The following GRM3 variants were observed in gnomAD, a reference collection of about 807,000 sequenced individuals.
GRM3 encodes metabotropic glutamate receptor 3.
GRM3 carries 26 observed loss-of-function variants against 70.5 expected under a neutral mutation model. The ratio of observed to expected loss-of-function variants is 0.37; its 90% CI spans 0.27 to 0.51. The LOEUF (loss-of-function observed/expected upper bound fraction) is 0.51, where lower values mean the gene tolerates loss of function less well. Among genes scored for constraint, GRM3 ranks in the 20% least tolerant of loss-of-function variants. GRM3 has a pLI of 0.93. For missense variants in GRM3, 859 were observed against 1,123.8 expected (o/e 0.76, Z 3.37); for synonymous variants, 443 against 434.9 (o/e 1.02, Z -0.23).
At chr7:86,721,267 C>T (rs1177375016) in intron 1 of GRM3, among the ~76,000 whole-genome samples, 1 of 152,022 alleles carries the variant, frequency 6.6e-6, no homozygotes, top group East Asian at 1.9e-4. Flanking sequence ...TTTAGCATCC[C>T]AGCCCTCACG....
intron 3 of GRM3, among the ~76,000 whole-genome samples, chr7:86,798,017 G>T (rs1291381207): frequency 6.6e-6 from 1 of 152,226 alleles, no homozygotes; most frequent in Non-Finnish European, 1.5e-5. Flanking sequence ...CAATAATTGA[G>T]GTTTGGGAAC....
intron 1 of GRM3, among the ~76,000 whole-genome samples, chr7:86,719,297 T>C (rs539057724): frequency 6.6e-6 from 1 of 152,114 alleles, no homozygotes; most frequent in South Asian, 2.1e-4. Context: ...CAGTAGGCTA[T>C]AAACAAAGTT....
intron 2 of GRM3, among the ~76,000 whole-genome samples, chr7:86,769,617 T>C (rs1468999282): frequency 6.6e-6 from 1 of 152,164 alleles, no homozygotes; most frequent in Non-Finnish European, 1.5e-5. Context: ...AGATATGCCA[T>C]GCTGTGTTAG....
chr7:86,828,111 CAAAAAAAAAA>C (rs55645713), intron 3 of GRM3, among the ~76,000 whole-genome samples: 16 of 68,292 alleles, frequency 2.3e-4, no homozygotes, highest in South Asian at 1.4e-3. Flanking sequence ...AACTCCGTAT[CAAAAAAAAAA>C]AAAAAAAAAA....
chr7:86,793,807 A>G (rs747522595), intron 3 of GRM3, among the ~76,000 whole-genome samples: 13 of 152,028 alleles, frequency 8.6e-5, no homozygotes, highest in Non-Finnish European at 1.9e-4. Context: ...TTTTACTATT[A>G]TCATTATAGT....
intron 5 of GRM3, among the ~76,000 whole-genome samples, chr7:86,853,205 T>G (rs746338005): frequency 1.3e-5 from 2 of 152,062 alleles, no homozygotes; most frequent in Non-Finnish European, 2.9e-5. Flanking sequence ...ATCTTAAGAG[T>G]GCATTACATG....
chr7:86,789,036 T>C (rs1797340818), intron 3 of GRM3, among the ~76,000 whole-genome samples: 1 of 152,170 alleles, frequency 6.6e-6, no homozygotes, highest in Admixed American at 6.5e-5. Context: ...ACAAGCCCAT[T>C]ATTTGGATAA....
chr7:86,664,318 G>A (rs1277713832), intron 1 of GRM3, among the ~76,000 whole-genome samples: 3 of 151,776 alleles, frequency 2.0e-5, no homozygotes, highest in Admixed American at 6.6e-5. Flanking sequence ...AATTTTAGTA[G>A]TTAAAAATTG....
intron 5 of GRM3, among the ~76,000 whole-genome samples, chr7:86,853,610 G>A (rs763853783): frequency 5.3e-5 from 8 of 152,098 alleles, no homozygotes; most frequent in Non-Finnish European, 7.4e-5. Context: ...TTCATTGGGC[G>A]ATTGTTAATA....
At position 86,765,625 on chromosome 7, in the gene GRM3, T is replaced by C. The variant is rs370363115; in HGVS notation, c.468+12T>C. The C allele has an allele frequency of 1.9e-6, 3 of 1,603,660 alleles. No individual in the cohort carries two copies. The highest frequency in any genetic ancestry group is 1.7e-5 in the Admixed American group (1 of 59,644). On this transcript the variant is annotated intron_variant, in intron 2 of 5. Coordinates refer to ENST00000361669, the MANE Select transcript of GRM3 (RefSeq NM_000840.3). ...GTGTTTCCATACAGGTAAGATTGGC[T>C]AATGCTATTGCTAAAAGGCTGTATC...
At chr7:86,714,639 C>A (rs995806247) in intron 1 of GRM3, among the ~76,000 whole-genome samples, 16 of 152,034 alleles carry the variant, frequency 1.1e-4, no homozygotes, top group African/African-American at 2.4e-4. Context: ...AGTTTGAAAT[C>A]TTTGCATCCA....
At chr7:86,810,650 C>T (rs1050116120) in intron 3 of GRM3, among the ~76,000 whole-genome samples, 8 of 151,900 alleles carry the variant, frequency 5.3e-5, no homozygotes, top group African/African-American at 9.7e-5. Flanking sequence ...GCATGCAGCC[C>T]AAGTATTGCA....
intron 2 of GRM3, among the ~76,000 whole-genome samples, chr7:86,771,933 A>G (rs887358373): frequency 1.3e-5 from 2 of 152,088 alleles, no homozygotes; most frequent in Non-Finnish European, 2.9e-5. Flanking sequence ...TGTTTCATCC[A>G]CCTAGAATGC....
chr7:86,691,921 C>G (rs1282461059), intron 1 of GRM3, among the ~76,000 whole-genome samples: 1 of 152,104 alleles, frequency 6.6e-6, no homozygotes, highest in Non-Finnish European at 1.5e-5. Flanking sequence ...GACTAAGATG[C>G]TAAGAGACAA....
At position 86,786,504 on chromosome 7, in the gene GRM3, A is replaced by C; in HGVS notation, c.712A>C (p.Asn238His). 6.2e-7 allele frequency: 1 copy of C among 1,614,200 alleles called. No homozygotes were observed. Among genetic ancestry groups the C allele is most frequent in the Non-Finnish European group, 8.5e-7 (1 of 1,180,038 alleles). Residue 238 changes from asparagine (N) to histidine (H), a missense_variant, in exon 3 of 6, where the codon AAC becomes CAC. By Grantham distance (68) the Asn-to-His change is moderately conservative. Coordinates refer to ENST00000361669, the MANE Select transcript of GRM3 (RefSeq NM_000840.3). The surrounding 1 kb of genome is among the most constrained non-coding windows in gnomAD (Gnocchi z 6.0). Reference protein sequence around the residue: ...EAFEQEARLRNICIATAEKVG... With the variant: ...EAFEQEARLRHICIATAEKVG... ...CTTCGAGCAGGAAGCCCGCCTGCGC[A>C]ACATCTGCATCGCTACGGCGGAGAA...
At chr7:86,845,192 G>T (rs143475915) in intron 4 of GRM3, among the ~76,000 whole-genome samples, 1 of 152,088 alleles carries the variant, frequency 6.6e-6, no homozygotes, top group East Asian at 1.9e-4. Flanking sequence ...ACCCAGCCTC[G>T]TCCTGATTTC....
At chr7:86,766,197 A>G (rs183536529) in intron 2 of GRM3, among the ~76,000 whole-genome samples, 3 of 152,296 alleles carry the variant, frequency 2.0e-5, no homozygotes, top group African/African-American at 7.2e-5. Context: ...CTATCAAGGT[A>G]AGATGAAATA....
At chr7:86,647,315 A>G (rs188243352) in intron 1 of GRM3, among the ~76,000 whole-genome samples, 59 of 152,304 alleles carry the variant, frequency 3.9e-4, no homozygotes, top group African/African-American at 1.4e-3. Context: ...AAAATGAAGC[A>G]TGAGGTTTTT....
intron 2 of GRM3, among the ~76,000 whole-genome samples, chr7:86,778,093 C>G (rs368822941): frequency 4.1e-4 from 63 of 152,246 alleles, no homozygotes; most frequent in African/African-American, 1.4e-3. Flanking sequence ...TCTTAGAAAA[C>G]AGCCCCAAAA....
Sources: gnomAD v4.1 joint callset for allele counts (sites outside exome capture counted in the v4.1 genomes callset) on GRCh38, gnomAD v4.1.1 for gene constraint, Gnocchi (gnomAD v3.1) non-coding constraint, MANE v1.5 for transcripts, NCBI Gene and HGNC (gene_info 2026-07-23, HGNC 2026-07-21) for gene names.